OPA1: variants seen among roughly 807,000 people sequenced by gnomAD.
OPA1 encodes dynamin-like GTPase OPA1, mitochondrial.
A neutral mutation model predicts 152.9 loss-of-function variants in OPA1; 59 were observed. That is an observed-to-expected ratio of 0.39 (90% CI 0.31 to 0.48). The LOEUF (loss-of-function observed/expected upper bound fraction) is 0.48, where lower values mean the gene tolerates loss of function less well. Among genes scored for constraint, OPA1 ranks in the 20% least tolerant of loss-of-function variants. The pLI is 0.96. For synonymous variants in OPA1, 400 were observed against 389.9 expected (o/e 1.03, Z -0.31); for missense variants, 1,008 against 1,216.8 (o/e 0.83, Z 2.55).
chr3:193,654,438 G>A (rs1233861282), intron 21 of OPA1, among the ~76,000 whole-genome samples: 3 of 151,820 alleles, frequency 2.0e-5, no homozygotes, highest in African/African-American at 7.3e-5. Context: ...TGAGGCTCCA[G>A]TGAGCCATGA....
chr3:193,652,493 A>G (rs1386776135), intron 21 of OPA1, among the ~76,000 whole-genome samples: 1 of 152,146 alleles, frequency 6.6e-6, no homozygotes, highest in Non-Finnish European at 1.5e-5. Context: ...GTGGCTTCAC[A>G]GTGTAATGGT....
chr3:193,606,216 T>C (rs1468849844), intron 1 of OPA1, among the ~76,000 whole-genome samples: 1 of 152,170 alleles, frequency 6.6e-6, no homozygotes, highest in East Asian at 1.9e-4. Context: ...CCTCTTGATT[T>C]GATTTTTTTA....
At chr3:193,607,552 T>G (rs993877310) in intron 1 of OPA1, among the ~76,000 whole-genome samples, 1 of 152,210 alleles carries the variant, frequency 6.6e-6, no homozygotes, top group Non-Finnish European at 1.5e-5. Context: ...TTTTGTCAGG[T>G]TTGTCAAAGA....
intron 6 of OPA1, among the ~76,000 whole-genome samples, chr3:193,619,412 A>G (rs1427953728): frequency 6.6e-6 from 1 of 152,232 alleles, no homozygotes; most frequent in Non-Finnish European, 1.5e-5. Flanking sequence ...TAGAAAGGGA[A>G]TAGGAATTGG....
At chr3:193,691,964 C>T (rs1043306796) in intron 29 of OPA1, 99 bp from the exon 30 acceptor site, 31 of 718,768 alleles carry the variant, frequency 4.3e-5, no homozygotes, top group African/African-American at 9.0e-5. Context: ...TTCTTTTTCC[C>T]GCAAATAGTT....
rs2109486871 is a variant in OPA1, at chr3:193,697,485, G to A, written c.*2885G>A. 1 of 152,232 alleles carries A rather than the reference G, an allele frequency of 6.6e-6. No homozygotes were observed. Among genetic ancestry groups the A allele is most frequent in the Admixed American group, 6.5e-5 (1 of 15,302 alleles). 9.4% of individuals were successfully genotyped at this position (152,232 alleles called of 1,614,324 possible). A position where few individuals can be genotyped will look rare whatever the true frequency, so the allele number is the denominator to read the frequency against. On this transcript the variant is annotated 3_prime_UTR_variant, in exon 31 of 31. Transcript: ENST00000361510. ...TATATTTTGCCTGAGCTTGATCAAA[G>A]GTCATTTGTGTAGATGAGTAATTAA...
chr3:193,632,685 C>G (rs1577213679), intron 8 of OPA1, among the ~76,000 whole-genome samples: 1 of 151,666 alleles, frequency 6.6e-6, no homozygotes, highest in Non-Finnish European at 1.5e-5. Flanking sequence ...CTTGGGCAAC[C>G]CGGAGAAACC....
intron 27 of OPA1, 110 bp downstream of exon 27, chr3:193,665,106 GA>G (rs1351393054): frequency 3.7e-5 from 25 of 678,012 alleles, no homozygotes; most frequent in Middle Eastern, 3.5e-4. Flanking sequence ...ATCATCTGGG[GA>G]AAAAAAGTAT....
intron 23 of OPA1, 28 bp from the exon 24 acceptor site, chr3:193,658,859 T>A (rs1437338212): frequency 6.7e-7 from 1 of 1,486,640 alleles, no homozygotes; most frequent in Non-Finnish European, 9.4e-7. Context: ...TAAAACAAGT[T>A]GGCTTTTTCT....
At chr3:193,692,160 G>T in intron 30 of OPA1, 28 bp downstream of exon 30, 1 of 1,142,764 alleles carries the variant, frequency 8.8e-7, no homozygotes, top group Non-Finnish European at 1.3e-6. Flanking sequence ...AACTGTATTG[G>T]TGCTGACTAA....
intron 1 of OPA1, among the ~76,000 whole-genome samples, chr3:193,606,381 A>AG (rs1235040858): frequency 6.6e-6 from 1 of 151,796 alleles, no homozygotes; most frequent in Admixed American, 6.6e-5. Context: ...CTCATCATTT[A>AG]CATTAGGTAT....
rs1721739796 is a variant in OPA1 at position 193,691,932 on chromosome 3, T to TTA, written c.2984-131_2984-130insTA. 4.9e-6 allele frequency: 3 copies of TTA among 614,246 alleles called. No homozygotes were observed. The South Asian group carries it at 6.0e-5, about 12-fold the overall frequency. The allele number at this position is 614,246 out of a possible 1,614,324, so 38.0% of individuals were successfully genotyped here. On this transcript the variant is annotated intron_variant, in intron 29 of 30. Transcript: ENST00000361510. Reference sequence around the variant, plus strand: ...ATCTGGACTTTATTTGGGTAAAAGGTGGTATGGTGAGACTCATATTTTTCT... The same window carrying TTA: ...ATCTGGACTTTATTTGGGTAAAAGGTTAGGTATGGTGAGACTCATATTTTTCT...
At chr3:193,640,510 A>G (rs1733624041) in intron 11 of OPA1, among the ~76,000 whole-genome samples, 1 of 152,152 alleles carries the variant, frequency 6.6e-6, no homozygotes, top group Non-Finnish European at 1.5e-5. Flanking sequence ...TTTCCTTCTG[A>G]TTGCTTCCGC....
At chr3:193,638,679 C>T (rs1013781957) in intron 11 of OPA1, among the ~76,000 whole-genome samples, 1 of 152,214 alleles carries the variant, frequency 6.6e-6, no homozygotes, top group South Asian at 2.1e-4. Flanking sequence ...AATCAATCTT[C>T]GGCCAACAAC....
intron 1 of OPA1, among the ~76,000 whole-genome samples, chr3:193,605,626 A>G (rs2108814959): frequency 6.6e-6 from 1 of 152,336 alleles, no homozygotes; most frequent in African/African-American, 2.4e-5. Flanking sequence ...TTCTGCCTGT[A>G]GACAGCATAA....
intron 1 of OPA1, among the ~76,000 whole-genome samples, chr3:193,609,381 C>T (rs974290011): frequency 2.0e-5 from 3 of 152,178 alleles, no homozygotes; most frequent in Non-Finnish European, 2.9e-5. Flanking sequence ...TCTCTTCTGG[C>T]GTGTAGAGTT....
Position 193,598,985 on chromosome 3 carries a change from G to C in OPA1, c.32+5576G>C, listed in dbSNP as rs78614431. ...GTAAGTGATAACATGGGTCACGCTGGATAAAACCTTGTGGTGATTGGTGAC... is the reference window on the plus strand; with the variant it reads ...GTAAGTGATAACATGGGTCACGCTGCATAAAACCTTGTGGTGATTGGTGAC... On this transcript the variant is annotated intron_variant, in intron 1 of 30. Coordinates refer to ENST00000361510, the MANE Select transcript of OPA1 (RefSeq NM_130837.3). Among the ~76,000 whole-genome samples the C allele has an allele frequency of 6.6e-4, 101 of 152,272 alleles. No individual in the cohort carries two copies. The East Asian group carries it at 0.017, about 26-fold the overall frequency.
At chr3:193,684,446 C>CTTTTTT (rs67027119) in intron 29 of OPA1, among the ~76,000 whole-genome samples, 1 of 105,908 alleles carries the variant, frequency 9.4e-6, no homozygotes, top group Non-Finnish European at 1.8e-5. Context: ...ATGGTACTAC[C>CTTTTTT]TTTTTTTTTT....
chr3:193,673,675 CTGGAT>C (rs1415166049), intron 29 of OPA1, among the ~76,000 whole-genome samples: 1 of 152,112 alleles, frequency 6.6e-6, no homozygotes, highest in Non-Finnish European at 1.5e-5. Context: ...TTTTGTTGAG[CTGGAT>C]TGGAAGTGCA....
Sources: gnomAD v4.1 joint callset for allele counts (sites outside exome capture counted in the v4.1 genomes callset) on GRCh38, gnomAD v4.1.1 for gene constraint, MANE v1.5 for transcripts, NCBI Gene and HGNC (gene_info 2026-07-23, HGNC 2026-07-21) for gene names.